PDE8A: variants seen among roughly 807,000 people sequenced by gnomAD.
PDE8A encodes high affinity cAMP-specific and IBMX-insensitive 3',5'-cyclic phosphodiesterase 8A.
A neutral mutation model predicts 105.0 loss-of-function variants in PDE8A; 59 were observed. That is an observed-to-expected ratio of 0.56 (90% CI 0.46 to 0.70). The LOEUF is 0.70. Ranked by LOEUF, PDE8A falls within the 30% of genes least tolerant of loss-of-function variation. PDE8A has a pLI of 0.00. For missense variants in PDE8A, 1,014 were observed against 1,045.9 expected, an observed-to-expected ratio of 0.97 and a Z score of 0.42; for synonymous variants, 355 against 371.9, an observed-to-expected ratio of 0.95 and a Z score of 0.52.
chr15:85,028,039 C>T (rs762803003), intron 1 of PDE8A, among the ~76,000 whole-genome samples: 1 of 152,118 alleles, frequency 6.6e-6, no homozygotes, highest in African/African-American at 2.4e-5. Flanking sequence ...CTGTGGTAAA[C>T]GATGCTGTGG....
intron 1 of PDE8A, among the ~76,000 whole-genome samples, chr15:85,060,378 C>T (rs997615434): frequency 6.6e-6 from 1 of 152,130 alleles, no homozygotes; most frequent in Non-Finnish European, 1.5e-5. Flanking sequence ...GTTGGTCCTC[C>T]ATATTGGTGG....
chr15:85,046,650 A>G (rs2080892400), intron 1 of PDE8A, among the ~76,000 whole-genome samples: 1 of 152,206 alleles, frequency 6.6e-6, no homozygotes, highest in Non-Finnish European at 1.5e-5. Flanking sequence ...TAGATAATAA[A>G]ATATGTAGTA....
intron 1 of PDE8A, among the ~76,000 whole-genome samples, chr15:84,986,192 A>G (rs941907793): frequency 2.0e-5 from 3 of 152,164 alleles, no homozygotes; most frequent in African/African-American, 7.2e-5. Context: ...GCGTCCCTGC[A>G]CTCCAGCCTG....
intron 19 of PDE8A, among the ~76,000 whole-genome samples, chr15:85,124,042 G>T (rs1012473164): frequency 6.6e-6 from 1 of 152,084 alleles, no homozygotes; most frequent in East Asian, 1.9e-4. Context: ...TCCTCTCTTG[G>T]TCCTCACTTA....
Position 85,067,126 on chromosome 15 carries a change from G to C in PDE8A, c.356G>C (p.Cys119Ser). Reference sequence around the variant, plus strand: ...AAGGAGGCTCAGGCTGTCCTTGCCTGTTTCCTGGACAAACATCATGACATT... The same window carrying C: ...AAGGAGGCTCAGGCTGTCCTTGCCTCTTTCCTGGACAAACATCATGACATT... ...VTKEAQAVLA[C>S]FLDKHHDIII... The change falls in exon 3 of 22, where the codon TGT (cysteine) becomes TCT (serine). Residue 119 changes from cysteine (C) to serine (S), a missense_variant. Transcript: ENST00000394553. 1 of 1,613,942 alleles carries C rather than the reference G, an allele frequency of 6.2e-7. No individual in the cohort carries two copies. Among genetic ancestry groups the C allele is most frequent in the Non-Finnish European group, 8.5e-7 (1 of 1,179,820 alleles).
chr15:85,060,663 G>T (rs542695159), intron 1 of PDE8A, among the ~76,000 whole-genome samples: 1 of 152,050 alleles, frequency 6.6e-6, no homozygotes, highest in Non-Finnish European at 1.5e-5. Context: ...GCCCAAAAGC[G>T]TACACTAATA....
chr15:85,104,066 G>A (rs2141575520), intron 11 of PDE8A, among the ~76,000 whole-genome samples: 1 of 152,330 alleles, frequency 6.6e-6, no homozygotes, highest in East Asian at 1.9e-4. Context: ...CCTGGCCCAT[G>A]TGTTGTTTTC....
chr15:85,013,607 T>C (rs2080275202), intron 1 of PDE8A, among the ~76,000 whole-genome samples: 1 of 152,242 alleles, frequency 6.6e-6, no homozygotes, highest in Admixed American at 6.5e-5. Context: ...ATTTATAACA[T>C]GTACAAAAGT....
At position 84,982,169 on chromosome 15, in the gene PDE8A, T is replaced by C; in HGVS notation, c.7T>C (p.Cys3Arg). The C allele has an allele frequency of 6.8e-7, 1 of 1,463,798 alleles. No individual in the cohort carries two copies. The highest frequency in any genetic ancestry group is 1.3e-5 in the South Asian group (1 of 75,872). The allele number at this position is 1,463,798 out of a possible 1,614,324, so 90.7% of individuals were successfully genotyped here. Reference protein sequence around the residue: MGCAPSIHISERL... With the variant: MGRAPSIHISERL... Reference sequence around the variant, plus strand: ...CCGCGGCGCCGCCGCCAGCATGGGCTGTGCCCCGAGCATCCACATTTCCGA... The same window carrying C: ...CCGCGGCGCCGCCGCCAGCATGGGCCGTGCCCCGAGCATCCACATTTCCGA... The change falls in exon 1 of 22, where the codon TGT (cysteine) becomes CGT (arginine). Residue 3 changes from cysteine (C) to arginine (R), a missense_variant. Coordinates refer to ENST00000394553, the MANE Select transcript of PDE8A (RefSeq NM_002605.3).
At chr15:85,033,081 C>A (rs1291042497) in intron 1 of PDE8A, among the ~76,000 whole-genome samples, 1 of 152,144 alleles carries the variant, frequency 6.6e-6, no homozygotes, top group Non-Finnish European at 1.5e-5. Flanking sequence ...TGGGAGATAT[C>A]TGAAACCCCA....
intron 1 of PDE8A, among the ~76,000 whole-genome samples, chr15:84,996,090 G>A (rs909922445): frequency 6.6e-6 from 1 of 152,040 alleles, no homozygotes; most frequent in African/African-American, 2.4e-5. Context: ...TTTTTAATAA[G>A]TTTGAATGTT....
intron 1 of PDE8A, among the ~76,000 whole-genome samples, chr15:85,059,548 C>T (rs2081112727): frequency 6.6e-6 from 1 of 152,130 alleles, no homozygotes; most frequent in African/African-American, 2.4e-5. Context: ...CATCTTGTTA[C>T]TCTGTTGAAT....
intron 12 of PDE8A, among the ~76,000 whole-genome samples, chr15:85,110,413 G>C (rs906673165): frequency 6.6e-6 from 1 of 152,134 alleles, no homozygotes; most frequent in African/African-American, 2.4e-5. Context: ...GTATGCTCAT[G>C]TAGTCACCAC....
intron 1 of PDE8A, among the ~76,000 whole-genome samples, chr15:84,987,265 A>T (rs2142142887): frequency 6.6e-6 from 1 of 152,250 alleles, no homozygotes; most frequent in Non-Finnish European, 1.5e-5. Flanking sequence ...TGTCATTGCC[A>T]CCATAACTTT....
rs559995532 is a variant in PDE8A at position 85,105,461 on chromosome 15, C to T, written c.1037-3592C>T. Among the ~76,000 whole-genome samples, 20 of 152,240 alleles carry T rather than the reference C, an allele frequency of 1.3e-4. No individual in the cohort carries two copies. The South Asian group carries it at 2.1e-3, about 16-fold the overall frequency. ...TAAAATACTGGGGTCTGGACTTCCT[C>T]ATATCCAAACTGGAACTCATACTTC... is the stretch of plus-strand genomic sequence containing the variant. On this transcript the variant is annotated intron_variant, in intron 11 of 21. Coordinates refer to ENST00000394553, the MANE Select transcript of PDE8A (RefSeq NM_002605.3).
In PDE8A at chr15:85,065,771, G is replaced by A. The variant is rs140943915; in HGVS notation, c.244-1243G>A. ...GTCTGCTTCTGAAGGGATGGAGCAC[G>A]GGTGCTCCTGAACCAGATTGGGAGT... On this transcript the variant is annotated intron_variant, in intron 2 of 21. Transcript: ENST00000394553. Among the ~76,000 whole-genome samples the A allele has an allele frequency of 3.6e-3, 546 of 152,328 alleles. 13 individuals carry two copies. The highest frequency in any genetic ancestry group is 6.9e-4 in the Non-Finnish European group (47 of 68,028).
At chr15:84,993,833 A>G (rs2079931958) in intron 1 of PDE8A, among the ~76,000 whole-genome samples, 2 of 152,200 alleles carry the variant, frequency 1.3e-5, no homozygotes, top group South Asian at 4.1e-4. Context: ...GGTTGCAGTG[A>G]GCTATGATTG....
chr15:85,112,941 T>C (rs1023012549), intron 12 of PDE8A, among the ~76,000 whole-genome samples: 23 of 152,172 alleles, frequency 1.5e-4, no homozygotes, highest in African/African-American at 5.6e-4. Flanking sequence ...ACCAGAAATT[T>C]GTGTATTTCA....
At chr15:85,027,985 A>C (rs77953708) in intron 1 of PDE8A, among the ~76,000 whole-genome samples, 6,099 of 152,304 alleles carry the variant, frequency 0.04, 398 homozygotes, top group African/African-American at 0.14. Flanking sequence ...GTTACATTGT[A>C]TAGAGATAGT....
Sources: gnomAD v4.1 joint callset for allele counts (sites outside exome capture counted in the v4.1 genomes callset) on GRCh38, gnomAD v4.1.1 for gene constraint, MANE v1.5 for transcripts, NCBI Gene and HGNC (gene_info 2026-07-23, HGNC 2026-07-21) for gene names.